RBPJ: variants seen among roughly 807,000 people sequenced by gnomAD.
RBPJ encodes recombination signal binding protein for immunoglobulin kappa J region.
Under a neutral mutation model 67.8 loss-of-function variants are expected in RBPJ, and 9 were observed. That is an observed-to-expected ratio of 0.13 (90% CI 0.08 to 0.23). The LOEUF (loss-of-function observed/expected upper bound fraction) is 0.23, where lower values mean the gene tolerates loss of function less well. RBPJ is among the 10% of genes least tolerant of loss of function. The pLI, the probability that RBPJ is intolerant of heterozygous loss-of-function variation, is 1.00. For missense variants in RBPJ, 305 were observed against 595.6 expected (o/e 0.51, Z 5.08); for synonymous variants, 198 against 203.3 (o/e 0.97, Z 0.22).
chr4:26,270,359 A>AAG (rs1163612840), intron 1 of RBPJ, among the ~76,000 whole-genome samples: 3 of 14,374 alleles, frequency 2.1e-4, no homozygotes, highest in African/African-American at 3.5e-4. Context: ...GAGCAAGAGA[A>AAG]AGAAAGAAAG....
chr4:26,319,811 C>A, upstream of RBPJ: 1 of 1,457,568 alleles, frequency 6.9e-7, no homozygotes. Context: ...TTTTGGGGCT[C>A]CCTGCGGGAG....
chr4:26,190,298 A>C (rs544826899), intron 1 of RBPJ, among the ~76,000 whole-genome samples: 9 of 152,338 alleles, frequency 5.9e-5, no homozygotes, highest in African/African-American at 2.2e-4. Flanking sequence ...CCCTTCACGG[A>C]CTAAGATACC....
chr4:26,431,187 A>ATT lies in RBPJ; in HGVS notation c.*180_*181insTT. 4.8e-6 allele frequency: 1 copy of ATT among 210,328 alleles called. No individual in the cohort carries two copies. The highest frequency in any genetic ancestry group is 1.6e-3 in the Middle Eastern group (1 of 616). 13.0% of individuals were successfully genotyped at this position (210,328 alleles called of 1,614,324 possible). On this transcript the variant is annotated 3_prime_UTR_variant, in exon 11 of 11. Coordinates refer to ENST00000355476, the MANE Select transcript of RBPJ (RefSeq NM_015874.6). ...ATTTGAAATGCAGAAGCCACAGTAAAAAAAAAAAAAAAAAAAAAAAAAAAG... is the reference window on the plus strand; with the variant it reads ...ATTTGAAATGCAGAAGCCACAGTAAATTAAAAAAAAAAAAAAAAAAAAAAAAG...
intron 1 of RBPJ, among the ~76,000 whole-genome samples, chr4:26,341,543 G>A (rs1483053388): frequency 6.6e-6 from 1 of 152,082 alleles, no homozygotes; most frequent in African/African-American, 2.4e-5. Context: ...GTTACCTGGA[G>A]GTGGAGGTTG....
chr4:26,335,079 A>C (rs1035149054), intron 1 of RBPJ, among the ~76,000 whole-genome samples: 3 of 152,128 alleles, frequency 2.0e-5, no homozygotes, highest in African/African-American at 7.2e-5. Context: ...AATAGACTTG[A>C]TATCTGTTAT....
chr4:26,121,845 C>T, the RBPJ span, among the ~76,000 whole-genome samples: 1 of 149,988 alleles, frequency 6.7e-6, no homozygotes, highest in African/African-American at 2.4e-5. Flanking sequence ...CACACAAGAA[C>T]CTCAAGTTGC....
chr4:26,416,157 A>G (rs1413905471), intron 4 of RBPJ, among the ~76,000 whole-genome samples: 1 of 152,222 alleles, frequency 6.6e-6, no homozygotes, highest in Non-Finnish European at 1.5e-5. Flanking sequence ...CTCAAATTTT[A>G]GTGCGTGGCA....
chr4:26,412,580 C>T (rs955877495), intron 3 of RBPJ, among the ~76,000 whole-genome samples: 5 of 152,090 alleles, frequency 3.3e-5, no homozygotes, highest in Non-Finnish European at 2.9e-5. Context: ...TAAATGCAAA[C>T]AATCCAAGGT....
At chr4:26,246,999 G>T (rs1719951846) in intron 1 of RBPJ, among the ~76,000 whole-genome samples, 1 of 133,586 alleles carries the variant, frequency 7.5e-6, no homozygotes, top group African/African-American at 3.0e-5. Context: ...TTTTGAGACA[G>T]GGTCTCCCTC....
chr4:26,392,625 A>G (rs1731628641), intron 2 of RBPJ, among the ~76,000 whole-genome samples: 1 of 152,244 alleles, frequency 6.6e-6, no homozygotes, highest in Non-Finnish European at 1.5e-5. Context: ...ACTGATCTGT[A>G]CTGACAAAAA....
chr4:26,106,776 T>C, the RBPJ span, among the ~76,000 whole-genome samples: 1 of 152,198 alleles, frequency 6.6e-6, no homozygotes, highest in Non-Finnish European at 1.5e-5. Flanking sequence ...TTCTGCTCTC[T>C]GCAGCTGGAC....
chr4:26,398,680 C>G (rs1158450868), intron 2 of RBPJ, among the ~76,000 whole-genome samples: 4 of 152,174 alleles, frequency 2.6e-5, no homozygotes, highest in East Asian at 3.8e-4. Flanking sequence ...GTGACGTAAT[C>G]TCAGCTCACT....
upstream of RBPJ, among the ~76,000 whole-genome samples, chr4:26,316,669 T>C (rs184981932): frequency 1.8e-3 from 215 of 118,858 alleles, 1 homozygote; most frequent in African/African-American, 7.1e-3. Flanking sequence ...TATATATATA[T>C]ACACATATAT....
chr4:26,425,797 T>C (rs967191903), intron 7 of RBPJ, among the ~76,000 whole-genome samples: 1 of 152,050 alleles, frequency 6.6e-6, no homozygotes, highest in Non-Finnish European at 1.5e-5. Flanking sequence ...ACTGAAGAGG[T>C]TGGGTGAGTA....
chr4:26,168,376 T>C (rs1716405449), intron 1 of RBPJ, among the ~76,000 whole-genome samples: 1 of 152,236 alleles, frequency 6.6e-6, no homozygotes, highest in Non-Finnish European at 1.5e-5. Context: ...TAAATTCTTT[T>C]CTTTAAGAAT....
At chr4:26,372,541 A>C (rs1729268561) in intron 1 of RBPJ, among the ~76,000 whole-genome samples, 1 of 152,192 alleles carries the variant, frequency 6.6e-6, no homozygotes, top group Non-Finnish European at 1.5e-5. Context: ...GCAAAGTATC[A>C]AGTAAATACA....
chr4:26,313,163 T>G (rs1162882026), intron 1 of RBPJ, among the ~76,000 whole-genome samples: 1 of 152,194 alleles, frequency 6.6e-6, no homozygotes, highest in Non-Finnish European at 1.5e-5. Context: ...GCTCAAGTGA[T>G]CTGCCTGTCT....
chr4:26,200,653 T>G (rs13118578), intron 1 of RBPJ, among the ~76,000 whole-genome samples: 2,838 of 148,178 alleles, frequency 0.019, 42 homozygotes, highest in Non-Finnish European at 0.03. Context: ...AGCGAAACTT[T>G]CTATCTGAAA....
At chr4:26,205,161 T>C (rs1457292678) in intron 1 of RBPJ, among the ~76,000 whole-genome samples, 1 of 152,166 alleles carries the variant, frequency 6.6e-6, no homozygotes, top group Non-Finnish European at 1.5e-5. Context: ...AGAACAGGCA[T>C]GCAGTGACAG....
Sources: allele counts gnomAD v4.1 joint callset (sites outside exome capture counted in the v4.1 genomes callset), GRCh38; gene constraint gnomAD v4.1.1; transcripts MANE v1.5; gene names NCBI Gene and HGNC (gene_info 2026-07-23, HGNC 2026-07-21).